Variants in CNTNAP2 observed in about 807,000 individuals in gnomAD.
CNTNAP2 encodes the protein contactin-associated protein-like 2.
In CNTNAP2, 98 loss-of-function variants were observed where a neutral mutation model predicts 155.2. The observed-to-expected ratio is 0.63, with a 90% CI of 0.54 to 0.75. CNTNAP2 has a LOEUF of 0.75. Among genes scored for constraint, CNTNAP2 ranks in the 30% least tolerant of loss-of-function variants. CNTNAP2 has a pLI of 0.00. For missense variants in CNTNAP2, 1,727 were observed against 1,688.1 expected, an observed-to-expected ratio of 1.02 and a Z score of -0.40; for synonymous variants, 651 against 631.2, an observed-to-expected ratio of 1.03 and a Z score of -0.47.
chr7:146,133,984 A>C (rs1797758084), intron 1 of CNTNAP2, among the ~76,000 whole-genome samples: 1 of 150,268 alleles, frequency 6.7e-6, no homozygotes, highest in African/African-American at 2.5e-5. Flanking sequence ...GATGGCATTG[A>C]ATCTGTAAAT....
intron 1 of CNTNAP2, among the ~76,000 whole-genome samples, chr7:146,514,604 C>T (rs1433267327): frequency 6.6e-6 from 1 of 151,260 alleles, no homozygotes; most frequent in Non-Finnish European, 1.5e-5. Context: ...TGTTGAATTT[C>T]TGTAATAAAT....
chr7:146,723,081 A>G (rs1801367151), intron 1 of CNTNAP2, among the ~76,000 whole-genome samples: 1 of 152,172 alleles, frequency 6.6e-6, no homozygotes, highest in Non-Finnish European at 1.5e-5. Context: ...ATGTAAGGTT[A>G]TTTGCAGATA....
chr7:147,301,270 A>C (rs1794940912), intron 9 of CNTNAP2, among the ~76,000 whole-genome samples: 1 of 152,180 alleles, frequency 6.6e-6, no homozygotes, highest in African/African-American at 2.4e-5. Context: ...TGTAGCAAAG[A>C]CCTGTCACAT....
intron 1 of CNTNAP2, among the ~76,000 whole-genome samples, chr7:146,155,800 A>G (rs1798116803): frequency 6.6e-6 from 1 of 151,742 alleles, no homozygotes; most frequent in Non-Finnish European, 1.5e-5. Context: ...CCCAGGTTCA[A>G]GTGATTCTCC....
chr7:146,371,229 C>G (rs545649439), intron 1 of CNTNAP2, among the ~76,000 whole-genome samples: 11 of 152,040 alleles, frequency 7.2e-5, no homozygotes, highest in African/African-American at 2.7e-4. Context: ...GTGATAGGAG[C>G]CTCAATAATG....
At chr7:147,180,259 A>G (rs764055207) in intron 8 of CNTNAP2, among the ~76,000 whole-genome samples, 43 of 152,226 alleles carry the variant, frequency 2.8e-4, no homozygotes, top group Non-Finnish European at 5.6e-4. Flanking sequence ...ACAAAGCCCT[A>G]GAGATTTTTA....
At chr7:146,259,800 A>T (rs1799893720) in intron 1 of CNTNAP2, among the ~76,000 whole-genome samples, 1 of 152,188 alleles carries the variant, frequency 6.6e-6, no homozygotes, top group Non-Finnish European at 1.5e-5. Context: ...AGAAAAGAAA[A>T]ACCTATTTTC....
rs981514178 is a variant in CNTNAP2, at chr7:148,172,369, C to T, written c.2901C>T (p.Cys967=). Residue 967 remains cysteine, a synonymous_variant, in exon 18 of 24, where the codon TGC becomes TGT. Coordinates refer to ENST00000361727, the MANE Select transcript of CNTNAP2 (RefSeq NM_014141.6). ...SGFISGCSGH[C]TSYGTNCENG... The stretch of plus-strand genomic sequence containing the variant: ...TCATATCCGGATGCTCGGGCCATTG[C>T]ACCAGCTATGGAACAAACTGTGAAA... The T allele has an allele frequency of 1.2e-6, 2 of 1,614,090 alleles. No individual in the cohort carries two copies. Among genetic ancestry groups the T allele is most frequent in the African/African-American group, 2.7e-5 (2 of 75,008 alleles).
intron 1 of CNTNAP2, among the ~76,000 whole-genome samples, chr7:146,485,724 G>A (rs1024323066): frequency 6.6e-6 from 1 of 151,848 alleles, no homozygotes; most frequent in Non-Finnish European, 1.5e-5. Flanking sequence ...GACAGGTTCA[G>A]GTGATCCTCC....
At chr7:147,259,245 A>G (rs1295826281) in intron 8 of CNTNAP2, among the ~76,000 whole-genome samples, 1 of 152,208 alleles carries the variant, frequency 6.6e-6, no homozygotes, top group African/African-American at 2.4e-5. Flanking sequence ...TTTGAGGATG[A>G]CATAAGGTTA....
intron 1 of CNTNAP2, among the ~76,000 whole-genome samples, chr7:146,686,231 G>A (rs1322460555): frequency 6.6e-6 from 1 of 152,114 alleles, no homozygotes; most frequent in African/African-American, 2.4e-5. Context: ...AGGAGGTGAA[G>A]GCTGTTGTGA....
chr7:148,267,109 T>G lies in CNTNAP2; in HGVS notation c.3458T>G (p.Phe1153Cys). The G allele has an allele frequency of 6.2e-7, 1 of 1,614,058 alleles. No individual in the cohort carries two copies. Among genetic ancestry groups the G allele is most frequent in the Non-Finnish European group, 8.5e-7 (1 of 1,179,920 alleles). ...DTLFNSPKSL[F>C]LGKVIETGKI... is the part of the protein sequence containing the mutation. ...CTCTTCAATTCTCCCAAGTCGCTCT[T>G]TCTGGGAAAAGTTATAGGTAAGAAT... The change falls in exon 21 of 24, where the codon TTT (phenylalanine) becomes TGT (cysteine). Residue 1153 changes from phenylalanine (F) to cysteine (C), a missense_variant. Coordinates refer to ENST00000361727, the MANE Select transcript of CNTNAP2 (RefSeq NM_014141.6).
At chr7:146,325,520 C>T (rs1801082737) in intron 1 of CNTNAP2, among the ~76,000 whole-genome samples, 1 of 151,830 alleles carries the variant, frequency 6.6e-6, no homozygotes, top group African/African-American at 2.4e-5. Context: ...TTTTATAGCC[C>T]CTTGTATAAT....
At chr7:147,842,371 A>G (rs1245076238) in intron 13 of CNTNAP2, among the ~76,000 whole-genome samples, 2 of 152,200 alleles carry the variant, frequency 1.3e-5, no homozygotes, top group Non-Finnish European at 2.9e-5. Context: ...AGTTCTGTGA[A>G]TCACAGTGTT....
chr7:147,417,371 T>C (rs116679180), intron 10 of CNTNAP2, among the ~76,000 whole-genome samples: 72 of 152,310 alleles, frequency 4.7e-4, no homozygotes, highest in African/African-American at 1.6e-3. Context: ...ATGGCCATCT[T>C]CTTGCAGTGT....
At chr7:147,339,941 AAAGCTCCTGCACTGCAGT>A (rs1795732169) in intron 9 of CNTNAP2, among the ~76,000 whole-genome samples, 1 of 152,184 alleles carries the variant, frequency 6.6e-6, no homozygotes, top group African/African-American at 2.4e-5. Context: ...CTCTCAGATA[AAAGCTCCTGCACTGCAGT>A]AAGCAGCTGC....
chr7:148,153,602 T>A (rs543346050), intron 17 of CNTNAP2, among the ~76,000 whole-genome samples: 1 of 152,252 alleles, frequency 6.6e-6, no homozygotes, highest in African/African-American at 2.4e-5. Flanking sequence ...GGCCAGATTT[T>A]TCTTAGGCGG....
At chr7:146,860,912 C>T (rs1339758219) in intron 3 of CNTNAP2, among the ~76,000 whole-genome samples, 1 of 151,988 alleles carries the variant, frequency 6.6e-6, no homozygotes, top group Admixed American at 6.6e-5. Context: ...GCTTTTGTAC[C>T]CCTTCTTCCT....
chr7:146,930,647 G>A (rs916208871), intron 3 of CNTNAP2, among the ~76,000 whole-genome samples: 14 of 152,288 alleles, frequency 9.2e-5, no homozygotes, highest in African/African-American at 3.1e-4. Context: ...TGGCAAATTG[G>A]ATAAAGAGTC....
Sources: gnomAD v4.1 joint callset for allele counts (sites outside exome capture counted in the v4.1 genomes callset) on GRCh38, gnomAD v4.1.1 for gene constraint, MANE v1.5 for transcripts, NCBI Gene and HGNC (gene_info 2026-07-23, HGNC 2026-07-21) for gene names.